The following GRIK2 variants were observed in gnomAD, a reference collection of about 807,000 sequenced individuals.
The protein encoded by GRIK2 is glutamate receptor ionotropic, kainate 2.
In GRIK2, 32 loss-of-function variants were observed where a neutral mutation model predicts 100.3. The ratio of observed to expected loss-of-function variants is 0.32; its 90% CI spans 0.24 to 0.43. The LOEUF (loss-of-function observed/expected upper bound fraction) is 0.43. GRIK2 is among the 20% of genes least tolerant of loss of function. The pLI, the probability that GRIK2 is intolerant of heterozygous loss-of-function variation, is 1.00. For synonymous variants in GRIK2, 417 were observed against 389.4 expected (o/e 1.07, Z -0.83); for missense variants, 843 against 1,114.9 (o/e 0.76, Z 3.47).
At chr6:101,728,173 T>C (rs1303422658) in intron 7 of GRIK2, among the ~76,000 whole-genome samples, 1 of 152,096 alleles carries the variant, frequency 6.6e-6, no homozygotes, top group East Asian at 1.9e-4. Context: ...TTTATTGAGG[T>C]AATAGCAAGT....
intron 7 of GRIK2, among the ~76,000 whole-genome samples, chr6:101,786,259 TGAC>T (rs1779416567): frequency 7.3e-6 from 1 of 136,570 alleles, no homozygotes; most frequent in African/African-American, 3.1e-5. Context: ...AGGGACAATT[TGAC>T]TTTTTTTTTT....
intron 2 of GRIK2, among the ~76,000 whole-genome samples, chr6:101,505,909 T>C (rs1228158733): frequency 6.6e-6 from 1 of 151,992 alleles, no homozygotes; most frequent in African/African-American, 2.4e-5. Context: ...TAAAAGTCAA[T>C]CTTAAAACAT....
intron 14 of GRIK2, among the ~76,000 whole-genome samples, chr6:102,026,597 G>C (rs1769717117): frequency 6.6e-6 from 1 of 151,186 alleles, no homozygotes; most frequent in South Asian, 2.1e-4. Flanking sequence ...ATCAAATGCT[G>C]TTTCAACTAC....
At chr6:101,789,691 T>C (rs1318136572) in intron 7 of GRIK2, among the ~76,000 whole-genome samples, 1 of 152,226 alleles carries the variant, frequency 6.6e-6, no homozygotes, top group Non-Finnish European at 1.5e-5. Flanking sequence ...CGATGCGGGC[T>C]CTTTTTTGGT....
At chr6:101,543,646 C>A (rs1776106802) in intron 2 of GRIK2, among the ~76,000 whole-genome samples, 1 of 152,160 alleles carries the variant, frequency 6.6e-6, no homozygotes, top group Non-Finnish European at 1.5e-5. Flanking sequence ...TCCAGCTCTG[C>A]CATGTGGCTG....
chr6:101,993,994 A>G (rs572376691), intron 14 of GRIK2, among the ~76,000 whole-genome samples: 1 of 146,288 alleles, frequency 6.8e-6, no homozygotes, highest in South Asian at 2.1e-4. Flanking sequence ...ATGTATATAC[A>G]TACATATATA....
chr6:101,972,015 A>G lies in GRIK2; in HGVS notation c.2085+43383A>G, dbSNP rs148547587. The stretch of plus-strand genomic sequence containing the variant: ...CCACCATTGATTGGCATCTGTGTTG[A>G]TTCTATGTCTTTGCTATTGTGAACA... On this transcript the variant is annotated intron_variant, in intron 14 of 16. Coordinates refer to ENST00000369134, the MANE Select transcript of GRIK2 (RefSeq NM_021956.5). Among the ~76,000 whole-genome samples the G allele has an allele frequency of 2.0e-3, 310 of 151,980 alleles. 2 individuals carry two copies. Among genetic ancestry groups the G allele is most frequent in the African/African-American group, 7.2e-3 (298 of 41,512 alleles).
chr6:101,878,582 T>A (rs117830623), intron 11 of GRIK2, among the ~76,000 whole-genome samples: 73 of 152,088 alleles, frequency 4.8e-4, no homozygotes, highest in Non-Finnish European at 7.7e-4. Flanking sequence ...ATTTTGAGAC[T>A]CTCTGGTCTG....
chr6:101,694,473 T>C (rs1413701117), intron 7 of GRIK2, among the ~76,000 whole-genome samples: 1 of 151,980 alleles, frequency 6.6e-6, no homozygotes, highest in Non-Finnish European at 1.5e-5. Context: ...ACATTTAACA[T>C]AGAAAATCAA....
chr6:101,425,307 G>T (rs1432112443), intron 2 of GRIK2, among the ~76,000 whole-genome samples: 1 of 152,106 alleles, frequency 6.6e-6, no homozygotes, highest in East Asian at 1.9e-4. Flanking sequence ...AACTAGTAGA[G>T]ACATTAGATT....
At chr6:102,016,385 G>T (rs943602297) in intron 14 of GRIK2, among the ~76,000 whole-genome samples, 2 of 152,002 alleles carry the variant, frequency 1.3e-5, no homozygotes, top group Non-Finnish European at 2.9e-5. Context: ...CCATGCTGAG[G>T]AAAGAATCTC....
intron 2 of GRIK2, among the ~76,000 whole-genome samples, chr6:101,449,916 A>G (rs757427103): frequency 1.8e-4 from 27 of 151,776 alleles, no homozygotes; most frequent in Non-Finnish European, 3.8e-4. Flanking sequence ...GCATTGGGAA[A>G]AAGCTGGAAA....
intron 2 of GRIK2, among the ~76,000 whole-genome samples, chr6:101,500,398 C>G (rs1393201112): frequency 6.6e-6 from 1 of 152,128 alleles, no homozygotes; most frequent in South Asian, 2.1e-4. Flanking sequence ...TTAGAGTAAT[C>G]TATAGGTTTT....
chr6:102,001,455 T>C (rs558314878), intron 14 of GRIK2, among the ~76,000 whole-genome samples: 15 of 149,964 alleles, frequency 1.0e-4, no homozygotes, highest in Admixed American at 9.4e-4. Flanking sequence ...GAACATGCGG[T>C]GTTTGGTTTT....
At chr6:101,655,544 A>G (rs78005701) in intron 4 of GRIK2, among the ~76,000 whole-genome samples, 3 of 152,088 alleles carry the variant, frequency 2.0e-5, no homozygotes, top group African/African-American at 7.2e-5. Context: ...CTGTACGAAG[A>G]AAAAAAACCA....
At chr6:101,580,987 C>G (rs920260676) in intron 2 of GRIK2, among the ~76,000 whole-genome samples, 1 of 151,924 alleles carries the variant, frequency 6.6e-6, no homozygotes, top group Non-Finnish European at 1.5e-5. Context: ...AATAATTACC[C>G]TCTCTCATCC....
At chr6:101,826,775 C>T (rs889253805) in intron 10 of GRIK2, among the ~76,000 whole-genome samples, 8 of 151,472 alleles carry the variant, frequency 5.3e-5, no homozygotes, top group South Asian at 2.1e-4. Context: ...AATTTAATAG[C>T]ATACCATTTA....
At chr6:101,679,748 G>T (rs1464177196) in intron 5 of GRIK2, among the ~76,000 whole-genome samples, 1 of 152,192 alleles carries the variant, frequency 6.6e-6, no homozygotes, top group East Asian at 1.9e-4. Context: ...AATTTTGTTT[G>T]TTTGTTTGTT....
At chr6:101,505,631 A>G (rs981694884) in intron 2 of GRIK2, among the ~76,000 whole-genome samples, 7 of 152,146 alleles carry the variant, frequency 4.6e-5, no homozygotes, top group African/African-American at 1.7e-4. Context: ...ACAAAGTCCC[A>G]AAGGTGTAAG....
Sources: gnomAD v4.1 joint callset for allele counts (sites outside exome capture counted in the v4.1 genomes callset) on GRCh38, gnomAD v4.1.1 for gene constraint, MANE v1.5 for transcripts, NCBI Gene and HGNC (gene_info 2026-07-23, HGNC 2026-07-21) for gene names.